The following GPRC5B variants were observed in gnomAD, a reference collection of about 807,000 sequenced individuals.
The protein encoded by GPRC5B is G protein-coupled receptor family C group 5 member B.
Under a neutral mutation model 30.1 loss-of-function variants are expected in GPRC5B, and 16 were observed. The ratio of observed to expected loss-of-function variants is 0.53; its 90% CI spans 0.36 to 0.81. The LOEUF (loss-of-function observed/expected upper bound fraction) is 0.81. Among genes scored for constraint, GPRC5B ranks in the 30% least tolerant of loss-of-function variants. The pLI, the probability that GPRC5B is intolerant of heterozygous loss-of-function variation, is 0.01. For synonymous variants in GPRC5B, 241 were observed against 239.5 expected (o/e 1.01, Z -0.06); for missense variants, 428 against 544.7 (o/e 0.79, Z 2.13).
intron 2 of GPRC5B, among the ~76,000 whole-genome samples, chr16:19,868,543 T>A (rs1690395): frequency 0.35 from 53,110 of 151,620 alleles, 9,441 homozygotes; most frequent in African/African-American, 0.41. Context: ...CGACATTCCC[T>A]GAAGGGCCCG....
chr16:19,871,752 A>G (rs1457734024), intron 2 of GPRC5B, 64 bp downstream of exon 2: 28 of 1,439,680 alleles, frequency 1.9e-5, no homozygotes, highest in Non-Finnish European at 2.7e-5. Context: ...CTGAAGAGGA[A>G]GAAGAGTATC....
chr16:19,879,402 T>A (rs1412581979), intron 1 of GPRC5B, among the ~76,000 whole-genome samples: 1 of 150,566 alleles, frequency 6.6e-6, no homozygotes, highest in Non-Finnish European at 1.5e-5. Flanking sequence ...ATATACTGCA[T>A]CTCTCTCTCT....
intron 1 of GPRC5B, among the ~76,000 whole-genome samples, chr16:19,876,965 A>C (rs1311047715): frequency 6.6e-6 from 1 of 152,214 alleles, no homozygotes; most frequent in Non-Finnish European, 1.5e-5. Context: ...TGAGTGGTTC[A>C]TGGAAAGGCA....
chr16:19,874,418 C>A lies in GPRC5B; in HGVS notation c.-1-1572G>T, dbSNP rs724615. On this transcript the variant is annotated intron_variant, in intron 1 of 3. Transcript: ENST00000300571. ...CAGCCTCTGGTCTAATCACGTCTGT[C>A]ATTTTTTGGCTGTTTACTTTGTTTC... Among the ~76,000 whole-genome samples, 16 of 151,998 alleles carry A rather than the reference C, an allele frequency of 1.1e-4. 1 individual carries two copies. Among genetic ancestry groups the A allele is most frequent in the Admixed American group, 3.3e-4 (5 of 15,272 alleles).
intron 2 of GPRC5B, among the ~76,000 whole-genome samples, chr16:19,864,190 T>C (rs2056649130): frequency 6.6e-6 from 1 of 152,230 alleles, no homozygotes; most frequent in Admixed American, 6.5e-5. Flanking sequence ...TTTTCTTGCA[T>C]AGACCCTGCA....
At chr16:19,868,535 A>C (rs963361302) in intron 2 of GPRC5B, among the ~76,000 whole-genome samples, 1 of 152,296 alleles carries the variant, frequency 6.6e-6, no homozygotes, top group Non-Finnish European at 1.5e-5. Context: ...TCTGCTCACG[A>C]CATTCCCTGA....
chr16:19,882,941 C>T (rs571888248), intron 1 of GPRC5B, among the ~76,000 whole-genome samples: 7 of 152,270 alleles, frequency 4.6e-5, no homozygotes, highest in Admixed American at 2.6e-4. Flanking sequence ...GACCTCCCAG[C>T]GGAGGGCCCC....
intron 1 of GPRC5B, among the ~76,000 whole-genome samples, chr16:19,882,582 C>T (rs2056815930): frequency 6.6e-6 from 1 of 152,132 alleles, no homozygotes; most frequent in Admixed American, 6.5e-5. Context: ...CAAGGCTGGA[C>T]AGAGCCCCTT....
In GPRC5B at chr16:19,872,533, C is replaced by A; in HGVS notation, c.313G>T (p.Gly105Cys). ...LHFLFLLGTL[G>C]LFGLTFAFII... ...AAGGCAAACGTCAGCCCAAAGAGGC[C>A]CAGGGTCCCCAGGAGGAACAGAAAG... is the stretch of plus-strand genomic sequence containing the variant. The change falls in exon 2 of 4, where the codon GGC becomes TGC. Residue 105 changes from glycine to cysteine, a missense_variant. Gly to Cys is a radical substitution (Grantham distance 159). Coordinates refer to ENST00000300571, the MANE Select transcript of GPRC5B (RefSeq NM_016235.3). This position sits in a 1 kb window ranked among gnomAD's most constrained non-coding sequence, Gnocchi z 5.0. The A allele has an allele frequency of 6.2e-7, 1 of 1,614,036 alleles. No individual in the cohort carries two copies. Among genetic ancestry groups the A allele is most frequent in the Non-Finnish European group, 8.5e-7 (1 of 1,179,920 alleles).
chr16:19,884,479 C>T (rs1283311538), intron 1 of GPRC5B, among the ~76,000 whole-genome samples: 7 of 151,182 alleles, frequency 4.6e-5, no homozygotes, highest in Non-Finnish European at 7.4e-5. Context: ...CACAGTCTCC[C>T]TCCCCCCGTA....
intron 1 of GPRC5B, among the ~76,000 whole-genome samples, chr16:19,876,864 C>T (rs1171682863): frequency 6.6e-6 from 1 of 152,216 alleles, no homozygotes; most frequent in Non-Finnish European, 1.5e-5. Flanking sequence ...CCTGATTTTC[C>T]CTTGGAGAGC....
chr16:19,871,784 G>C, intron 2 of GPRC5B, 32 bp downstream of exon 2: 1 of 1,593,208 alleles, frequency 6.3e-7, no homozygotes, highest in Non-Finnish European at 8.6e-7. Flanking sequence ...ATGGTCCCCC[G>C]GCCTGACCCA....
rs227764 is a variant in GPRC5B at position 19,858,069 on chromosome 16, C to G, written c.*2431G>C. The G allele has an allele frequency of 6.4e-6, 1 of 156,502 alleles. No homozygotes were observed. Among genetic ancestry groups the G allele is most frequent in the Non-Finnish European group, 1.4e-5 (1 of 71,176 alleles). The allele number at this position is 156,502 out of a possible 1,614,324, so 9.7% of individuals were successfully genotyped here. On this transcript the variant is annotated 3_prime_UTR_variant, in exon 4 of 4. Coordinates refer to ENST00000300571, the MANE Select transcript of GPRC5B (RefSeq NM_016235.3). ...TCCCCAAACGAGTCTTGTTTACACA[C>G]GCAGATCTTAAACAGAGGTGCCATT...
intron 1 of GPRC5B, among the ~76,000 whole-genome samples, chr16:19,873,117 T>A (rs2056736322): frequency 6.6e-6 from 1 of 152,146 alleles, no homozygotes; most frequent in Non-Finnish European, 1.5e-5. Context: ...CTTCTCTGTA[T>A]ACCCTTTTGT....
Position 19,859,209 on chromosome 16 carries a change from G to C in GPRC5B, c.*1291C>G, listed in dbSNP as rs1734226859. 1 of 152,626 alleles carries C rather than the reference G, an allele frequency of 6.6e-6. No homozygotes were observed. The highest frequency in any genetic ancestry group is 1.9e-4 in the East Asian group (1 of 5,198). 9.5% of individuals were successfully genotyped at this position (152,626 alleles called of 1,614,324 possible). On this transcript the variant is annotated 3_prime_UTR_variant, in exon 4 of 4. Coordinates refer to ENST00000300571, the MANE Select transcript of GPRC5B (RefSeq NM_016235.3). The stretch of plus-strand genomic sequence containing the variant: ...AAAACTCTGCTTTGAATCGATGCTA[G>C]AGGTTATGCTGGCCAAACAGTGCAG...
At chr16:19,874,232 C>T (rs1022573151) in intron 1 of GPRC5B, among the ~76,000 whole-genome samples, 2 of 152,264 alleles carry the variant, frequency 1.3e-5, no homozygotes, top group East Asian at 3.9e-4. Context: ...TGCCCATATA[C>T]GAGCTGGAGT....
intron 3 of GPRC5B, among the ~76,000 whole-genome samples, chr16:19,861,505 G>A (rs2056621955): frequency 6.6e-6 from 1 of 152,120 alleles, no homozygotes; most frequent in Non-Finnish European, 1.5e-5. Context: ...ATCTGCTAGG[G>A]GCGCTCCATC....
At chr16:19,881,731 G>A (rs1031928700) in intron 1 of GPRC5B, among the ~76,000 whole-genome samples, 8 of 152,140 alleles carry the variant, frequency 5.3e-5, no homozygotes, top group East Asian at 1.9e-4. Flanking sequence ...GCAGTGAGCC[G>A]AGATTGCGCC....
intron 2 of GPRC5B, among the ~76,000 whole-genome samples, chr16:19,865,445 A>G (rs1028053031): frequency 1.3e-5 from 2 of 152,186 alleles, no homozygotes; most frequent in Non-Finnish European, 2.9e-5. Flanking sequence ...TAAGTGAAGG[A>G]ACATACAAGA....
Sources: gnomAD v4.1 joint callset for allele counts (sites outside exome capture counted in the v4.1 genomes callset) on GRCh38, gnomAD v4.1.1 for gene constraint, Gnocchi (gnomAD v3.1) non-coding constraint, MANE v1.5 for transcripts, NCBI Gene and HGNC (gene_info 2026-07-23, HGNC 2026-07-21) for gene names.